Variants in HELQ observed in about 807,000 individuals in gnomAD.
The protein encoded by HELQ is helicase, POLQ like.
Under a neutral mutation model 111.6 loss-of-function variants are expected in HELQ, and 77 were observed. That is an observed-to-expected ratio of 0.69 (90% confidence interval 0.57 to 0.83). The LOEUF (loss-of-function observed/expected upper bound fraction) is 0.83, where lower values mean the gene tolerates loss of function less well. HELQ is among the 40% of genes least tolerant of loss of function. The pLI, the probability that HELQ is intolerant of heterozygous loss-of-function variation, is 0.00. For synonymous variants in HELQ, 438 were observed against 454.7 expected, an observed-to-expected ratio of 0.96 and a Z score of 0.47; for missense variants, 1,200 against 1,288.5, an observed-to-expected ratio of 0.93 and a Z score of 1.05.
Position 83,436,841 on chromosome 4 carries a change from A to G in HELQ, c.2048+17T>C. On this transcript the variant is annotated intron_variant, in intron 9 of 17. Transcript: ENST00000295488. The stretch of plus-strand genomic sequence containing the variant: ...TGGAAAAGTTCTGAGCCTGGTCAAC[A>G]CTTACTTATCTCTTACCTTCGAGCT... 6.2e-7 allele frequency: 1 copy of G among 1,603,554 alleles called. No homozygotes were observed. Among genetic ancestry groups the G allele is most frequent in the Non-Finnish European group, 8.5e-7 (1 of 1,175,280 alleles).
At chr4:83,455,005 G>A (rs1021076164) in intron 1 of HELQ, among the ~76,000 whole-genome samples, 1 of 152,202 alleles carries the variant, frequency 6.6e-6, no homozygotes, top group Admixed American at 6.5e-5. Flanking sequence ...AAGTGATTAA[G>A]ACAACAGGAT....
chr4:83,455,361 A>T, intron 1 of HELQ, 36 bp downstream of exon 1: 1 of 1,597,796 alleles, frequency 6.3e-7, no homozygotes, highest in African/African-American at 1.3e-5. Flanking sequence ...GAAGGATGCC[A>T]AAAGTTTGCA....
chr4:83,441,836 T>C (rs1720774997), intron 6 of HELQ, among the ~76,000 whole-genome samples: 2 of 150,204 alleles, frequency 1.3e-5, no homozygotes, highest in Admixed American at 6.7e-5. Flanking sequence ...TGCAGTAGCA[T>C]GATCACAGCC....
chr4:83,413,874 T>C (rs1233267669), intron 17 of HELQ, among the ~76,000 whole-genome samples: 1 of 152,124 alleles, frequency 6.6e-6, no homozygotes, highest in Non-Finnish European at 1.5e-5. Flanking sequence ...TGTGAGTGAG[T>C]CACCTGGGTC....
Position 83,407,373 on chromosome 4 carries a change from C to A in HELQ, c.*80G>T, listed in dbSNP as rs1463670063. 2 of 858,478 alleles carry A rather than the reference C, an allele frequency of 2.3e-6. No individual in the cohort carries two copies. The highest frequency in any genetic ancestry group is 1.8e-5 in the South Asian group (1 of 54,496). 53.2% of individuals were successfully genotyped at this position (858,478 alleles called of 1,614,324 possible). A position where few individuals can be genotyped will look rare whatever the true frequency, so the allele number is the denominator to read the frequency against. On this transcript the variant is annotated 3_prime_UTR_variant, in exon 18 of 18. Coordinates refer to ENST00000295488, the MANE Select transcript of HELQ (RefSeq NM_133636.5). ...AATGTATAACTGAAATGTATTTTTT[C>A]ATTTATAAAGTATAAGTTATCTTTA...
chr4:83,450,250 A>AAAAAAAAAAAAAAAAC (rs1721281227), intron 2 of HELQ, among the ~76,000 whole-genome samples: 1 of 141,668 alleles, frequency 7.1e-6, no homozygotes, highest in African/African-American at 2.9e-5. Context: ...AAAAAAAAAA[A>AAAAAAAAAAAAAAAAC]AAAAGCAGAT....
At chr4:83,426,549 T>C (rs1719859978) in intron 13 of HELQ, among the ~76,000 whole-genome samples, 1 of 149,632 alleles carries the variant, frequency 6.7e-6, no homozygotes, top group Non-Finnish European at 1.5e-5. Context: ...CTCTGTCTAA[T>C]ATACGTTTTT....
In HELQ at chr4:83,453,581, C is replaced by T. The variant is rs188988182; in HGVS notation, c.662G>A (p.Arg221Lys). The T allele has an allele frequency of 3.7e-6, 6 of 1,612,926 alleles. No individual in the cohort carries two copies. The East Asian group carries it at 1.1e-4, about 30-fold the overall frequency. The change falls in exon 2 of 18, where the codon AGG (arginine) becomes AAG (lysine). Residue 221 changes from arginine to lysine, a missense_variant. Arg to Lys is a conservative substitution (Grantham distance 26). Around this residue, in one of 3 missense-constraint regions of HELQ, gnomAD observed 610 missense variants for 607.1 expected, o/e 1.00. Coordinates refer to ENST00000295488, the MANE Select transcript of HELQ (RefSeq NM_133636.5). Reference sequence around the variant, plus strand: ...GTTGTGAGAGGATGACTTCCAATCCCTTTCTTTCATAGAATGATCACCCAA... The same window carrying T: ...GTTGTGAGAGGATGACTTCCAATCCTTTTCTTTCATAGAATGATCACCCAA... Reference protein sequence around the residue: ...NDLGDHSMKERDWKSSSHNTV... With the variant: ...NDLGDHSMKEKDWKSSSHNTV...
At chr4:83,437,681 G>A (rs763014434) in intron 8 of HELQ, among the ~76,000 whole-genome samples, 6 of 150,804 alleles carry the variant, frequency 4.0e-5, no homozygotes, top group Non-Finnish European at 7.4e-5. Context: ...CAGAGGGTTC[G>A]TGGATTTCCT....
chr4:83,455,636 G>A lies in HELQ; in HGVS notation c.58C>T (p.Pro20Ser). Residue 20 changes from proline to serine, a missense_variant, in exon 1 of 18, where the codon CCA (proline) becomes TCA (serine). This residue lies in a region of HELQ where 610 missense variants were observed against 607.1 expected (regional missense o/e 1.00). Transcript: ENST00000295488. ...RRVSLPKRNR[P>S]SLGCIFGAPT... The stretch of plus-strand genomic sequence containing the variant: ...GCGCCAAAAATACACCCCAAGCTTG[G>A]ACGGTTCCTTTTGGGGAGAGACACC... The A allele has an allele frequency of 6.2e-7, 1 of 1,613,662 alleles. No homozygotes were observed. Among genetic ancestry groups the A allele is most frequent in the Non-Finnish European group, 8.5e-7 (1 of 1,180,038 alleles).
intron 16 of HELQ, among the ~76,000 whole-genome samples, 157 bp from the exon 17 acceptor site, chr4:83,417,022 A>T (rs1336105130): frequency 7.9e-5 from 12 of 152,192 alleles, no homozygotes; most frequent in Non-Finnish European, 1.5e-4. Flanking sequence ...AGGAATTTTT[A>T]AAAATGCATT....
intron 11 of HELQ, among the ~76,000 whole-genome samples, chr4:83,431,257 A>C (rs1166268596): frequency 6.6e-6 from 1 of 152,190 alleles, no homozygotes; most frequent in Non-Finnish European, 1.5e-5. Context: ...CTCTAAGAAA[A>C]AAAAAAGCCA....
At chr4:83,409,656 A>T (rs1408647375) in intron 17 of HELQ, among the ~76,000 whole-genome samples, 1 of 152,154 alleles carries the variant, frequency 6.6e-6, no homozygotes, top group East Asian at 1.9e-4. Context: ...ACTGTAACAC[A>T]ACACTCCAAA....
intron 14 of HELQ, among the ~76,000 whole-genome samples, chr4:83,424,520 T>C (rs1719739200): frequency 6.6e-6 from 1 of 152,188 alleles, no homozygotes; most frequent in African/African-American, 2.4e-5. Context: ...CTCAGCTTCC[T>C]GAGAAGCTAG....
chr4:83,447,534 T>C (rs886731491), intron 3 of HELQ, among the ~76,000 whole-genome samples: 1 of 152,110 alleles, frequency 6.6e-6, no homozygotes, highest in Non-Finnish European at 1.5e-5. Context: ...CTAAAATACA[T>C]GTGAAAATAA....
At chr4:83,452,956 T>G (rs1721476415) in intron 2 of HELQ, among the ~76,000 whole-genome samples, 1 of 150,096 alleles carries the variant, frequency 6.7e-6, no homozygotes, top group Middle Eastern at 3.4e-3. Flanking sequence ...TAACAACTTA[T>G]TATCCCTTTC....
intron 4 of HELQ, 31 bp downstream of exon 4, chr4:83,446,804 A>C (rs1374804341): frequency 7.4e-7 from 1 of 1,348,382 alleles, no homozygotes; most frequent in Non-Finnish European, 1.1e-6. Context: ...TATAATAAAA[A>C]TATTGACAAA....
chr4:83,424,462 T>C lies in HELQ; in HGVS notation c.2775+1532A>G, dbSNP rs115368065. Among the ~76,000 whole-genome samples the C allele has an allele frequency of 2.1e-3, 316 of 152,340 alleles. 1 individual carries two copies. Among genetic ancestry groups the C allele is most frequent in the African/African-American group, 7.2e-3 (301 of 41,572 alleles). On this transcript the variant is annotated intron_variant, in intron 14 of 17. Coordinates refer to ENST00000295488, the MANE Select transcript of HELQ (RefSeq NM_133636.5). ...TTATTTTTGAGACAGGGTCTCACTA[T>C]GTTGCCCATGCTATCCTGAAACTCC...
intron 11 of HELQ, among the ~76,000 whole-genome samples, chr4:83,430,567 A>G (rs1394232411): frequency 1.3e-5 from 2 of 152,234 alleles, no homozygotes; most frequent in East Asian, 3.8e-4. Flanking sequence ...CAATGAAATC[A>G]GCATGTTATA....
Sources: allele counts gnomAD v4.1 joint callset (sites outside exome capture counted in the v4.1 genomes callset), GRCh38; gene constraint gnomAD v4.1.1; regional missense constraint gnomAD v4.1.1; transcripts MANE v1.5; gene names NCBI Gene and HGNC (gene_info 2026-07-23, HGNC 2026-07-21).